Variants in CCBE1 observed in about 807,000 individuals in gnomAD.
CCBE1 encodes collagen and calcium binding EGF domains 1, also known as collagen and calcium-binding EGF domain-containing protein 1.
In CCBE1, 37 loss-of-function variants were observed where a neutral mutation model predicts 50.0. The observed-to-expected ratio is 0.74, with a 90% CI of 0.57 to 0.97. CCBE1 has a LOEUF of 0.97. Among genes scored for constraint, CCBE1 ranks in the 50% least tolerant of loss-of-function variants. CCBE1 has a pLI of 0.00. For synonymous variants in CCBE1, 234 were observed against 203.7 expected (o/e 1.15, Z -1.27); for missense variants, 538 against 523.8 (o/e 1.03, Z -0.26).
intron 2 of CCBE1, among the ~76,000 whole-genome samples, chr18:59,594,051 A>T (rs773252669): frequency 2.6e-5 from 4 of 152,230 alleles, no homozygotes; most frequent in Non-Finnish European, 4.4e-5. Context: ...ATGAAGGTAC[A>T]AGTGTTTGCT....
intron 2 of CCBE1, among the ~76,000 whole-genome samples, chr18:59,576,421 T>C (rs2144498304): frequency 6.6e-6 from 1 of 152,296 alleles, no homozygotes; most frequent in East Asian, 1.9e-4. Flanking sequence ...TTCAGGAAAA[T>C]ATTCAAGTCT....
chr18:59,580,382 T>C (rs907030496), intron 2 of CCBE1, among the ~76,000 whole-genome samples: 3 of 152,190 alleles, frequency 2.0e-5, no homozygotes, highest in African/African-American at 7.2e-5. Context: ...GTTGCATATG[T>C]TGATTGATGT....
chr18:59,470,613 T>C (rs184892922), intron 3 of CCBE1, among the ~76,000 whole-genome samples: 2,193 of 152,170 alleles, frequency 0.014, 53 homozygotes, highest in African/African-American at 0.05. Flanking sequence ...ACACTGCTAC[T>C]CATAAAGAAT....
chr18:59,669,642 G>A (rs1466996981), intron 2 of CCBE1, among the ~76,000 whole-genome samples: 2 of 152,250 alleles, frequency 1.3e-5, no homozygotes, highest in East Asian at 1.9e-4. Context: ...TAGACTGGAG[G>A]AACACCCGCG....
In CCBE1 at chr18:59,481,561, C is replaced by T. The variant is rs535407333; in HGVS notation, c.213-1323G>A. Among the ~76,000 whole-genome samples, 239 of 152,200 alleles carry T rather than the reference C, an allele frequency of 1.6e-3. 1 individual carries two copies. The highest frequency in any genetic ancestry group is 2.7e-3 in the Non-Finnish European group (187 of 68,008). On this transcript the variant is annotated intron_variant, in intron 2 of 10. Transcript: ENST00000439986. Reference sequence around the variant, plus strand: ...GCTGCTGAAACCTAAAGAGAAAATCCTGAAAGCAGAGAAAAATTACACATG... The same window carrying T: ...GCTGCTGAAACCTAAAGAGAAAATCTTGAAAGCAGAGAAAAATTACACATG...
chr18:59,585,663 A>G (rs1294998801), intron 2 of CCBE1, among the ~76,000 whole-genome samples: 2 of 152,222 alleles, frequency 1.3e-5, no homozygotes, highest in African/African-American at 2.4e-5. Flanking sequence ...CCCAAGTGGA[A>G]GGAAAATTAC....
intron 5 of CCBE1, among the ~76,000 whole-genome samples, chr18:59,463,813 A>G (rs534965351): frequency 1.3e-5 from 2 of 152,234 alleles, no homozygotes; most frequent in Non-Finnish European, 2.9e-5. Flanking sequence ...TCATGAGCAT[A>G]TAAGTGGGAT....
intron 5 of CCBE1, among the ~76,000 whole-genome samples, chr18:59,461,600 G>C (rs12455941): frequency 0.24 from 37,008 of 152,014 alleles, 5,446 homozygotes; most frequent in East Asian, 0.48. Context: ...TACTGTAGAA[G>C]GGTGCTGCTG....
intron 2 of CCBE1, among the ~76,000 whole-genome samples, chr18:59,677,689 T>C (rs889281537): frequency 4.9e-5 from 7 of 143,360 alleles, no homozygotes; most frequent in African/African-American, 1.7e-4. Context: ...TTTTAAAAGA[T>C]TATCTCTTTA....
chr18:59,572,596 T>C (rs906028665), intron 2 of CCBE1, among the ~76,000 whole-genome samples: 4 of 152,258 alleles, frequency 2.6e-5, no homozygotes, highest in African/African-American at 9.6e-5. Context: ...TTATGAGAAA[T>C]GTCAAAATAT....
At chr18:59,485,038 A>G (rs189022457) in intron 2 of CCBE1, among the ~76,000 whole-genome samples, 1 of 152,338 alleles carries the variant, frequency 6.6e-6, no homozygotes, top group African/African-American at 2.4e-5. Context: ...TATCTTTAGA[A>G]AAACAAACTA....
rs112949919 is a variant in CCBE1, at chr18:59,479,397, C to T, written c.265+789G>A. Among the ~76,000 whole-genome samples the T allele has an allele frequency of 1.0e-2, 1,519 of 152,276 alleles. 24 individuals are homozygous for T. Among genetic ancestry groups the T allele is most frequent in the African/African-American group, 0.035 (1,455 of 41,546 alleles). On this transcript the variant is annotated intron_variant, in intron 3 of 10. Transcript: ENST00000439986. Reference sequence around the variant, plus strand: ...CCTCTGTGTATATGTCCCCTCTGAACACTTTCTGCTTTGAATGTCTCTACT... The same window carrying T: ...CCTCTGTGTATATGTCCCCTCTGAATACTTTCTGCTTTGAATGTCTCTACT...
intron 2 of CCBE1, among the ~76,000 whole-genome samples, chr18:59,591,216 C>T (rs1334544391): frequency 3.5e-5 from 1 of 28,434 alleles, no homozygotes; most frequent in African/African-American, 5.0e-4. Flanking sequence ...ACTGCACTCC[C>T]GCCTGGGCCA....
intron 5 of CCBE1, among the ~76,000 whole-genome samples, chr18:59,457,030 T>A (rs1425385444): frequency 1.3e-5 from 2 of 152,206 alleles, no homozygotes. Flanking sequence ...CAAGTGACAG[T>A]GTAATTGTTG....
intron 2 of CCBE1, among the ~76,000 whole-genome samples, chr18:59,585,378 T>A (rs994108211): frequency 2.0e-5 from 3 of 152,176 alleles, no homozygotes; most frequent in African/African-American, 7.2e-5. Flanking sequence ...GAACATCTGA[T>A]TATTATCTGC....
intron 2 of CCBE1, among the ~76,000 whole-genome samples, chr18:59,607,057 GAAAA>G (rs59954169): frequency 2.2e-4 from 26 of 117,370 alleles, no homozygotes; most frequent in African/African-American, 7.5e-4. Flanking sequence ...GTTGAATTGG[GAAAA>G]AAAAAAAAAA....
At chr18:59,540,206 G>T (rs1175684447) in intron 2 of CCBE1, among the ~76,000 whole-genome samples, 3 of 152,174 alleles carry the variant, frequency 2.0e-5, no homozygotes, top group Admixed American at 6.5e-5. Context: ...TCCATTGAGA[G>T]AAATAAATTA....
intron 3 of CCBE1, among the ~76,000 whole-genome samples, chr18:59,476,695 T>A (rs1223701734): frequency 1.3e-5 from 2 of 152,204 alleles, no homozygotes; most frequent in Non-Finnish European, 2.9e-5. Context: ...AAACTATAGC[T>A]TCCACTCATT....
At chr18:59,539,410 C>T (rs912602043) in intron 2 of CCBE1, among the ~76,000 whole-genome samples, 1 of 152,120 alleles carries the variant, frequency 6.6e-6, no homozygotes, top group Non-Finnish European at 1.5e-5. Context: ...TGCCAATAAC[C>T]ATATGAGCCT....
Sources: gnomAD v4.1 joint callset for allele counts (sites outside exome capture counted in the v4.1 genomes callset) on GRCh38, gnomAD v4.1.1 for gene constraint, MANE v1.5 for transcripts, NCBI Gene and HGNC (gene_info 2026-07-23, HGNC 2026-07-21) for gene names.